The following BOC variants were observed in gnomAD, a reference collection of about 807,000 sequenced individuals.
The protein encoded by BOC is BOC cell adhesion associated, oncogene regulated, also known as brother of CDO.
Under a neutral mutation model 112.0 loss-of-function variants are expected in BOC, and 76 were observed. The ratio of observed to expected loss-of-function variants is 0.68; its 90% CI spans 0.56 to 0.82. BOC has a LOEUF of 0.82. BOC is among the 40% of genes least tolerant of loss of function. The pLI, the probability that BOC is intolerant of heterozygous loss-of-function variation, is 0.00. For missense variants in BOC, 1,309 were observed against 1,511.7 expected, an observed-to-expected ratio of 0.87 and a Z score of 2.22; for synonymous variants, 580 against 599.8, an observed-to-expected ratio of 0.97 and a Z score of 0.48.
chr3:113,250,823 G>A lies in BOC; in HGVS notation c.366G>A (p.Val122=). ...CTGTGGCCAGCGTGCCAGCCACTGTGACACTAGCCAGTGAGTCTGCTCCTT... is the reference window on the plus strand; with the variant it reads ...CTGTGGCCAGCGTGCCAGCCACTGTAACACTAGCCAGTGAGTCTGCTCCTT... ...AGAVASVPAT[V]TLANLQDFKL... is the part of the protein sequence containing the mutation. Residue 122 remains valine (V), a synonymous_variant, in exon 4 of 20, where the codon GTG becomes GTA. Coordinates refer to ENST00000682979, the MANE Select transcript of BOC (RefSeq NM_001378074.1). 1 of 1,613,412 alleles carries A rather than the reference G, an allele frequency of 6.2e-7. No individual in the cohort carries two copies. The highest frequency in any genetic ancestry group is 8.5e-7 in the Non-Finnish European group (1 of 1,180,006).
At position 113,249,914 on chromosome 3, in the gene BOC, T is replaced by A. The variant is rs752080910; in HGVS notation, c.97+15T>A. 1 of 1,606,910 alleles carries A rather than the reference T, an allele frequency of 6.2e-7. No individual in the cohort carries two copies. Among genetic ancestry groups the A allele is most frequent in the Non-Finnish European group, 8.5e-7 (1 of 1,174,344 alleles). On this transcript the variant is annotated intron_variant, in intron 3 of 19. Transcript: ENST00000682979. ...TGCTGACTTGAGTGAGTGCTTTCCT[T>A]CCCTTTCCCTGCCCTTACAGTCAAA...
chr3:113,278,097 G>C lies in BOC; in HGVS notation c.1545G>C (p.Gln515His). Residue 515 changes from glutamine to histidine, a missense_variant and splice_region_variant, in exon 10 of 20, where the codon CAG becomes CAC. Transcript: ENST00000682979. The surrounding 1 kb of genome is among the most constrained non-coding windows in gnomAD (Gnocchi z 4.2). Reference protein sequence around the residue: ...ILYYVVKHRKQVTNSSDDWTI... With the variant: ...ILYYVVKHRKHVTNSSDDWTI... ...TTTATACCAGCTACCTTCTCCAGCA[G>C]GTCACAAATTCCTCTGACGATTGGA... The C allele has an allele frequency of 6.2e-7, 1 of 1,614,162 alleles. No individual in the cohort carries two copies. The highest frequency in any genetic ancestry group is 8.5e-7 in the Non-Finnish European group (1 of 1,180,016).
At chr3:113,249,251 C>T (rs557728485) in intron 2 of BOC, among the ~76,000 whole-genome samples, 1 of 152,360 alleles carries the variant, frequency 6.6e-6, no homozygotes, top group Admixed American at 6.5e-5. Context: ...ATGCATCACA[C>T]ACACGGCACT....
At chr3:113,232,644 G>A (rs1318845170) in intron 2 of BOC, among the ~76,000 whole-genome samples, 1 of 152,094 alleles carries the variant, frequency 6.6e-6, no homozygotes, top group African/African-American at 2.4e-5. Context: ...CATGTCCAAG[G>A]CAGGATGCTG....
At chr3:113,247,142 C>T (rs1268916945) in intron 2 of BOC, among the ~76,000 whole-genome samples, 1 of 152,090 alleles carries the variant, frequency 6.6e-6, no homozygotes, top group East Asian at 1.9e-4. Flanking sequence ...TGTTCATTTT[C>T]TGTCTCCCTA....
At chr3:113,242,913 T>C (rs1944484117) in intron 2 of BOC, among the ~76,000 whole-genome samples, 1 of 152,118 alleles carries the variant, frequency 6.6e-6, no homozygotes, top group Admixed American at 6.5e-5. Flanking sequence ...ATTCCCTTAA[T>C]GTTTTTTCTA....
intron 2 of BOC, among the ~76,000 whole-genome samples, chr3:113,228,558 C>A (rs571024714): frequency 9.3e-4 from 142 of 152,286 alleles, no homozygotes; most frequent in Non-Finnish European, 1.8e-3. Context: ...AAGCTGCCTG[C>A]ACTACCAGGC....
chr3:113,278,746 C>T lies in BOC; in HGVS notation c.1779C>T (p.Pro593=). Residue 593 remains proline (P), a synonymous_variant, in exon 11 of 20, where the codon CCC becomes CCT. Coordinates refer to ENST00000682979, the MANE Select transcript of BOC (RefSeq NM_001378074.1). This position sits in a 1 kb window ranked among gnomAD's most constrained non-coding sequence, Gnocchi z 4.2. ...AGAGAGACGACCCTGGAGCCAGTCC[C>T]CAGAGCAGCAGCCAGCCAGACCACG... ...QIQRDDPGAS[P]QSSSQPDHGR... 2 of 1,564,804 alleles carry T rather than the reference C, an allele frequency of 1.3e-6. No individual in the cohort carries two copies. Among genetic ancestry groups the T allele is most frequent in the African/African-American group, 2.7e-5 (2 of 73,624 alleles).
intron 2 of BOC, among the ~76,000 whole-genome samples, chr3:113,240,652 A>G (rs1264347523): frequency 6.6e-6 from 1 of 152,216 alleles, no homozygotes; most frequent in African/African-American, 2.4e-5. Flanking sequence ...GTGATTTTTT[A>G]CAATCACAGA....
At chr3:113,284,744 C>T (rs768947171) in intron 17 of BOC, 38 bp from the exon 18 acceptor site, 141 of 1,595,598 alleles carry the variant, frequency 8.8e-5, no homozygotes, top group Non-Finnish European at 1.2e-4. Flanking sequence ...ACCTGGACTC[C>T]CCGGCGTGGC....
intron 2 of BOC, among the ~76,000 whole-genome samples, chr3:113,219,803 C>T (rs1330926205): frequency 6.6e-6 from 1 of 152,138 alleles, no homozygotes; most frequent in Non-Finnish European, 1.5e-5. Context: ...ACTTTGCGGC[C>T]AATGGCTTTG....
At chr3:113,249,083 A>C (rs1945297105) in intron 2 of BOC, among the ~76,000 whole-genome samples, 4 of 152,122 alleles carry the variant, frequency 2.6e-5, no homozygotes, top group Admixed American at 2.6e-4. Context: ...TGTTATGGAC[A>C]AGCTGAGGAG....
At position 113,233,152 on chromosome 3, in the gene BOC, T is replaced by G. The variant is rs1003493738; in HGVS notation, c.-81-16570T>G. Among the ~76,000 whole-genome samples, 236 of 100,188 alleles carry G rather than the reference T, an allele frequency of 2.4e-3. 2 individuals carry two copies. Among genetic ancestry groups the G allele is most frequent in the African/African-American group, 0.014 (217 of 15,694 alleles). The allele number at this position is 100,188 out of a possible 152,430, so 65.7% of individuals were successfully genotyped here. On this transcript the variant is annotated intron_variant, in intron 2 of 19. Transcript: ENST00000682979. ...CATGAGCATGTAAAGGATTGGGGTGTGTGTGTGTGTGTGTGTGTGTGTGTG... is the reference window on the plus strand; with the variant it reads ...CATGAGCATGTAAAGGATTGGGGTGGGTGTGTGTGTGTGTGTGTGTGTGTG...
At chr3:113,280,803 C>T in intron 14 of BOC, 140 bp downstream of exon 14, 2 of 862,254 alleles carry the variant, frequency 2.3e-6, no homozygotes, top group Non-Finnish European at 3.7e-6. Flanking sequence ...GTGTCATTGA[C>T]TCATTCATAA....
intron 12 of BOC, 140 bp downstream of exon 12, chr3:113,279,595 G>A (rs1576498165): frequency 1.1e-6 from 1 of 905,342 alleles, no homozygotes; most frequent in Non-Finnish European, 1.7e-6. Flanking sequence ...GCTGTCTGTG[G>A]TGTTTACCAC....
At chr3:113,268,151 G>A (rs938046834) in intron 4 of BOC, 148 bp from the exon 5 acceptor site, 7 of 1,252,412 alleles carry the variant, frequency 5.6e-6, no homozygotes, top group Non-Finnish European at 7.7e-6. Context: ...AGACAACAAG[G>A]GGCTGGAGGA....
At chr3:113,241,001 G>A (rs1944219324) in intron 2 of BOC, among the ~76,000 whole-genome samples, 1 of 152,252 alleles carries the variant, frequency 6.6e-6, no homozygotes, top group Non-Finnish European at 1.5e-5. Flanking sequence ...TGAACCAGAG[G>A]AGGAAATGGC....
intron 9 of BOC, among the ~76,000 whole-genome samples, chr3:113,277,085 C>T (rs1306427274): frequency 1.3e-5 from 2 of 152,162 alleles, no homozygotes; most frequent in African/African-American, 4.8e-5. Flanking sequence ...AAAGATTAAT[C>T]CATCACAGTC....
chr3:113,233,532 A>G (rs962289980), intron 2 of BOC, among the ~76,000 whole-genome samples: 1 of 152,140 alleles, frequency 6.6e-6, no homozygotes, highest in Non-Finnish European at 1.5e-5. Flanking sequence ...TCGCTAGTCT[A>G]TGTGACTACA....
Sources: allele counts gnomAD v4.1 joint callset (sites outside exome capture counted in the v4.1 genomes callset), GRCh38; gene constraint gnomAD v4.1.1; non-coding constraint Gnocchi (gnomAD v3.1); transcripts MANE v1.5; gene names NCBI Gene and HGNC (gene_info 2026-07-23, HGNC 2026-07-21).